CASTOR2: variants seen among roughly 807,000 people sequenced by gnomAD.
The protein encoded by CASTOR2 is cytosolic arginine sensor for mTORC1 subunit 2, also known as GATS protein like 2.
A neutral mutation model predicts 31.2 loss-of-function variants in CASTOR2; 8 were observed. The observed-to-expected ratio is 0.26, with a 90% confidence interval of 0.15 to 0.46. CASTOR2 has a LOEUF of 0.46. CASTOR2 is among the 20% of genes least tolerant of loss of function. The probability of loss-of-function intolerance (pLI) is 0.99; values close to 1 mark genes in which losing one functional copy is unlikely to be tolerated. For missense variants in CASTOR2, 216 were observed against 382.1 expected (o/e 0.57, Z 3.62); for synonymous variants, 162 against 158.7 (o/e 1.02, Z -0.16).
At chr7:74,987,395 C>G (rs1804094078) in intron 1 of CASTOR2, among the ~76,000 whole-genome samples, 2 of 147,590 alleles carry the variant, frequency 1.4e-5, no homozygotes, top group African/African-American at 5.0e-5. Context: ...GAGATTCTGT[C>G]TCAAAAAGAA....
At chr7:75,001,054 C>T (rs1804482975) in intron 1 of CASTOR2, among the ~76,000 whole-genome samples, 1 of 152,042 alleles carries the variant, frequency 6.6e-6, no homozygotes, top group African/African-American at 2.4e-5. Flanking sequence ...GGCATGGTGA[C>T]CCTGCAGGAA....
intron 1 of CASTOR2, among the ~76,000 whole-genome samples, chr7:74,998,112 G>A (rs1804396025): frequency 6.6e-6 from 1 of 152,086 alleles, no homozygotes; most frequent in Non-Finnish European, 1.5e-5. Flanking sequence ...ACCCATAGAG[G>A]CAGTTCAGCC....
At chr7:74,999,698 A>G (rs1584469113) in intron 1 of CASTOR2, among the ~76,000 whole-genome samples, 1 of 130,216 alleles carries the variant, frequency 7.7e-6, no homozygotes, top group Non-Finnish European at 1.5e-5. Flanking sequence ...GCTCACTGCA[A>G]CCCCTGCCTC....
intron 1 of CASTOR2, among the ~76,000 whole-genome samples, chr7:74,986,075 G>T (rs1287635922): frequency 1.3e-5 from 2 of 152,002 alleles, no homozygotes; most frequent in African/African-American, 4.8e-5. Context: ...CTACAGGCGC[G>T]CACCACCAAA....
chr7:74,987,223 G>A (rs1378893585), intron 1 of CASTOR2, among the ~76,000 whole-genome samples: 88 of 152,118 alleles, frequency 5.8e-4, no homozygotes, highest in Non-Finnish European at 6.8e-4. Context: ...TGGCCAACAT[G>A]GTGAAACCCC....
At chr7:74,975,691 C>CAAAA (rs1178211684) in intron 1 of CASTOR2, among the ~76,000 whole-genome samples, 1 of 67,550 alleles carries the variant, frequency 1.5e-5, no homozygotes, top group Non-Finnish European at 3.0e-5. Context: ...GACTCCATGT[C>CAAAA]AAAAAAAAAA....
At chr7:75,013,280 C>A (rs1472045915) in intron 2 of CASTOR2, among the ~76,000 whole-genome samples, 3 of 152,170 alleles carry the variant, frequency 2.0e-5, no homozygotes, top group Non-Finnish European at 4.4e-5. Flanking sequence ...CTGGGTCTTT[C>A]CTGGGAGGGC....
At chr7:75,023,339 C>A (rs906652618) in intron 7 of CASTOR2, among the ~76,000 whole-genome samples, 1 of 152,072 alleles carries the variant, frequency 6.6e-6, no homozygotes, top group African/African-American at 2.4e-5. Context: ...GAAACACTTT[C>A]TCCTATATAA....
rs916172426 is a variant in CASTOR2 at position 75,019,901 on chromosome 7, G to A, written c.636-138G>A. The A allele has an allele frequency of 5.0e-3, 3,557 of 714,254 alleles. 10 individuals are homozygous for A. The highest frequency in any genetic ancestry group is 7.4e-3 in the Non-Finnish European group (3,132 of 425,108). The allele number at this position is 714,254 out of a possible 1,614,324, so 44.2% of individuals were successfully genotyped here. ...GGTGAAATCATCCCCGTGGCATAGCGAGCAGGATGAGAAGGACACTGGCCC... is the reference window on the plus strand; with the variant it reads ...GGTGAAATCATCCCCGTGGCATAGCAAGCAGGATGAGAAGGACACTGGCCC... On this transcript the variant is annotated intron_variant, in intron 5 of 8. Transcript: ENST00000616305.
In CASTOR2 at chr7:75,018,539, C is replaced by CA. The variant is rs1176932997; in HGVS notation, c.512-420dup. ...GGGCAACAAGAACAAAACTCCATCT[C>CA]AAAAAAAAAAAAATGTGATGGAAAG... On this transcript the variant is annotated intron_variant, in intron 4 of 8. Coordinates refer to ENST00000616305, the MANE Select transcript of CASTOR2 (RefSeq NM_001145064.3). Among the ~76,000 whole-genome samples the CA allele has an allele frequency of 5.6e-3, 788 of 140,312 alleles. 8 individuals are homozygous for CA. Among genetic ancestry groups the CA allele is most frequent in the African/African-American group, 0.016 (621 of 38,398 alleles). 92.1% of individuals were successfully genotyped at this position (140,312 alleles called of 152,430 possible). A position where few individuals can be genotyped will look rare whatever the true frequency, so the allele number is the denominator to read the frequency against.
chr7:75,013,775 T>G (rs1380601517), intron 2 of CASTOR2, among the ~76,000 whole-genome samples: 2 of 152,308 alleles, frequency 1.3e-5, no homozygotes, highest in East Asian at 3.9e-4. Flanking sequence ...TCACCCCGGT[T>G]GGAGTCCAGT....
At chr7:75,015,879 C>A (rs1316278083) in intron 2 of CASTOR2, among the ~76,000 whole-genome samples, 1 of 152,088 alleles carries the variant, frequency 6.6e-6, no homozygotes, top group Non-Finnish European at 1.5e-5. Context: ...CCAGCCGGGC[C>A]AACATGGTGA....
At chr7:75,022,030 A>G in intron 7 of CASTOR2, 74 bp downstream of exon 7, 1 of 1,524,088 alleles carries the variant, frequency 6.6e-7, no homozygotes, top group Non-Finnish European at 8.9e-7. Flanking sequence ...CGTTGTCCGC[A>G]GTGACTCGGC....
At chr7:75,012,435 T>C (rs1198080417) in intron 2 of CASTOR2, among the ~76,000 whole-genome samples, 38 of 151,812 alleles carry the variant, frequency 2.5e-4, no homozygotes, top group Admixed American at 5.9e-4. Flanking sequence ...CCTGAGTAGC[T>C]GGGATTACAG....
chr7:74,974,991 T>TG (rs1250108729), intron 1 of CASTOR2, among the ~76,000 whole-genome samples: 18 of 150,402 alleles, frequency 1.2e-4, no homozygotes, highest in Admixed American at 2.7e-4. Context: ...TTTTTGGAGA[T>TG]GGAGTTACAC....
At chr7:75,023,639 C>T (rs1805059874) in intron 7 of CASTOR2, among the ~76,000 whole-genome samples, 1 of 151,866 alleles carries the variant, frequency 6.6e-6, no homozygotes, top group Non-Finnish European at 1.5e-5. Context: ...GGGGTTTCAC[C>T]ATGTTGGCCA....
intron 5 of CASTOR2, 102 bp from the exon 6 acceptor site, chr7:75,019,937 A>T: frequency 9.8e-7 from 1 of 1,023,354 alleles, no homozygotes; most frequent in Non-Finnish European, 1.4e-6. Context: ...AGGGTCACCC[A>T]GGTGGCATCA....
chr7:74,989,266 T>A (rs1363892439), intron 1 of CASTOR2, among the ~76,000 whole-genome samples: 1 of 23,084 alleles, frequency 4.3e-5, no homozygotes. Context: ...GCCTGGCCTT[T>A]TTTTTTTTTT....
chr7:75,018,373 C>T (rs1461099824), intron 4 of CASTOR2, among the ~76,000 whole-genome samples: 9 of 152,156 alleles, frequency 5.9e-5, no homozygotes, highest in African/African-American at 2.2e-4. Context: ...AACCCCGTCT[C>T]TACTAAAAAT....
Sources: allele counts gnomAD v4.1 joint callset (sites outside exome capture counted in the v4.1 genomes callset), GRCh38; gene constraint gnomAD v4.1.1; transcripts MANE v1.5; gene names NCBI Gene and HGNC (gene_info 2026-07-23, HGNC 2026-07-21).